The following CCNC variants were observed in gnomAD, a reference collection of about 807,000 sequenced individuals.
The protein encoded by CCNC is cyclin C.
Under a neutral mutation model 50.0 loss-of-function variants are expected in CCNC, and 19 were observed. That is an observed-to-expected ratio of 0.38 (90% CI 0.27 to 0.56). The LOEUF (loss-of-function observed/expected upper bound fraction) is 0.56. Among genes scored for constraint, CCNC ranks in the 20% least tolerant of loss-of-function variants. The pLI is 0.72. For missense variants in CCNC, 200 were observed against 327.1 expected, an observed-to-expected ratio of 0.61 and a Z score of 3.00; for synonymous variants, 93 against 103.7, an observed-to-expected ratio of 0.90 and a Z score of 0.63.
chr6:99,559,908 C>T (rs561502557), intron 4 of CCNC, among the ~76,000 whole-genome samples: 96 of 151,828 alleles, frequency 6.3e-4, no homozygotes, highest in African/African-American at 2.1e-3. Context: ...TTAGTAGAGA[C>T]GGGGTTTTGC....
In CCNC at chr6:99,543,505, G is replaced by A; in HGVS notation, c.*50C>T. ...TCCACTGAAGACATTACTGAAATCT[G>A]TCCAATGGTTTATTTCCAAGTGGTC... On this transcript the variant is annotated 3_prime_UTR_variant, in exon 12 of 12. Coordinates refer to ENST00000520429, the MANE Select transcript of CCNC (RefSeq NM_005190.4). 6.3e-7 allele frequency: 1 copy of A among 1,598,170 alleles called. No homozygotes were observed. The highest frequency in any genetic ancestry group is 1.1e-5 in the South Asian group (1 of 90,496).
intron 11 of CCNC, chr6:99,544,231 A>C: frequency 1.3e-6 from 2 of 1,534,798 alleles, no homozygotes; most frequent in Non-Finnish European, 1.7e-6. Context: ...ATCATCTTGC[A>C]GCTTCAGGCC....
At chr6:99,548,553 G>A (rs1159568026) in intron 9 of CCNC, among the ~76,000 whole-genome samples, 1 of 147,194 alleles carries the variant, frequency 6.8e-6, no homozygotes, top group Admixed American at 6.8e-5. Flanking sequence ...AGTGGCTCAC[G>A]CCTGTAATCC....
At chr6:99,553,037 C>T (rs1802367504) in intron 5 of CCNC, among the ~76,000 whole-genome samples, 1 of 83,418 alleles carries the variant, frequency 1.2e-5, no homozygotes, top group African/African-American at 5.0e-5. Flanking sequence ...GAGACTCCAT[C>T]TCAAAAAAAA....
chr6:99,554,245 T>C (rs573003171), intron 5 of CCNC, among the ~76,000 whole-genome samples: 50 of 152,260 alleles, frequency 3.3e-4, no homozygotes, highest in African/African-American at 1.1e-3. Context: ...ATCACATCAA[T>C]GATACATGAT....
intron 5 of CCNC, chr6:99,557,786 C>G (rs1231108647): frequency 1.9e-5 from 1 of 52,592 alleles, no homozygotes; most frequent in Non-Finnish European, 3.3e-5. Flanking sequence ...GAGACTCTGT[C>G]TCAAAAAAAA....
intron 11 of CCNC, 151 bp downstream of exon 11, chr6:99,544,961 A>G (rs1182669226): frequency 3.5e-6 from 2 of 563,400 alleles, no homozygotes; most frequent in Non-Finnish European, 6.3e-6. Flanking sequence ...GACATTCTCA[A>G]TCAAATCACA....
intron 7 of CCNC, 68 bp from the exon 8 acceptor site, chr6:99,550,377 T>G: frequency 1.9e-6 from 2 of 1,032,990 alleles, no homozygotes; most frequent in Non-Finnish European, 3.0e-6. Flanking sequence ...ATGTTATCAT[T>G]ACCCAACTGA....
At chr6:99,557,843 A>T (rs971897097) in intron 5 of CCNC, 1 of 151,764 alleles carries the variant, frequency 6.6e-6, no homozygotes, top group Admixed American at 6.6e-5. Context: ...AGGACATAAG[A>T]GTGGGGCCTA....
intron 9 of CCNC, among the ~76,000 whole-genome samples, chr6:99,546,925 C>G (rs1338165445): frequency 1.3e-5 from 2 of 152,170 alleles, no homozygotes; most frequent in Admixed American, 6.5e-5. Context: ...TGTTGCCTGG[C>G]CTTTTTTCTT....
At position 99,568,522 on chromosome 6, in the gene CCNC, T is replaced by C. The variant is rs370537137; in HGVS notation, c.6A>G (p.Ala2=). The change falls in exon 1 of 12, where the codon GCA becomes GCG. Residue 2 remains alanine, a synonymous_variant. Coordinates refer to ENST00000520429, the MANE Select transcript of CCNC (RefSeq NM_005190.4). The part of the protein sequence containing the change: M[A]GNFWQSSHYL... ...AGTGGGAGCTCTGCCAAAAGTTCCC[T>C]GCCATGGAACACAGCTTGCCCTGAT... 8.7e-6 allele frequency: 14 copies of C among 1,612,780 alleles called. No homozygotes were observed. The highest frequency in any genetic ancestry group is 1.2e-5 in the Non-Finnish European group (14 of 1,179,376).
chr6:99,546,804 G>A (rs1331117126), intron 9 of CCNC, among the ~76,000 whole-genome samples: 1 of 152,190 alleles, frequency 6.6e-6, no homozygotes. Flanking sequence ...CAAAGTAGCC[G>A]TTAAACTGCA....
rs749912363 is a variant in CCNC at position 99,545,063 on chromosome 6, A to C, written c.797+49T>G. 1.1e-5 allele frequency: 9 copies of C among 845,612 alleles called. No homozygotes were observed. In the South Asian group the frequency reaches 1.4e-4, roughly 13 times the overall value. 52.4% of individuals were successfully genotyped at this position (845,612 alleles called of 1,614,324 possible). Reference sequence around the variant, plus strand: ...AACATAATCTAAGAAAAATATAGTAAGTATGATATATGATTAAATGACATC... The same window carrying C: ...AACATAATCTAAGAAAAATATAGTACGTATGATATATGATTAAATGACATC... On this transcript the variant is annotated intron_variant, in intron 11 of 11. Transcript: ENST00000520429.
intron 7 of CCNC, 70 bp downstream of exon 7, chr6:99,550,923 C>T: frequency 1.2e-6 from 1 of 805,118 alleles, no homozygotes; most frequent in Non-Finnish European, 1.8e-6. Flanking sequence ...AAAATCATTT[C>T]TTTAAATAAT....
chr6:99,556,035 A>C (rs919832434), intron 5 of CCNC, among the ~76,000 whole-genome samples: 1 of 152,148 alleles, frequency 6.6e-6, no homozygotes, highest in Non-Finnish European at 1.5e-5. Flanking sequence ...TATTCGTTTA[A>C]GCCTTCATTA....
At chr6:99,552,023 T>TA in intron 5 of CCNC, 128 bp from the exon 6 acceptor site, 1 of 505,150 alleles carries the variant, frequency 2.0e-6, no homozygotes, top group Non-Finnish European at 3.2e-6. Context: ...TGGCAACACT[T>TA]ACGGACGCAG....
At chr6:99,552,505 T>C (rs1239081496) in intron 5 of CCNC, among the ~76,000 whole-genome samples, 2 of 152,168 alleles carry the variant, frequency 1.3e-5, no homozygotes, top group Non-Finnish European at 2.9e-5. Context: ...GTTAGTACTC[T>C]ATTATCTATT....
At chr6:99,568,703 CCGA>C, upstream of CCNC, 1 of 1,458,584 alleles carries the variant, frequency 6.9e-7, no homozygotes, top group Non-Finnish European at 9.0e-7. Context: ...TTCACGCCGG[CCGA>C]CAACACTCAA....
At chr6:99,555,914 C>CA (rs1290334770) in intron 5 of CCNC, among the ~76,000 whole-genome samples, 2 of 152,058 alleles carry the variant, frequency 1.3e-5, no homozygotes, top group African/African-American at 2.4e-5. Flanking sequence ...AACCCCCAGG[C>CA]AAAAAAACCT....
Sources: gnomAD v4.1 joint callset for allele counts (sites outside exome capture counted in the v4.1 genomes callset) on GRCh38, gnomAD v4.1.1 for gene constraint, MANE v1.5 for transcripts, NCBI Gene and HGNC (gene_info 2026-07-23, HGNC 2026-07-21) for gene names.